TMEM131L: variants seen among roughly 807,000 people sequenced by gnomAD.
TMEM131L encodes transmembrane protein 131-like.
A neutral mutation model predicts 192.2 loss-of-function variants in TMEM131L; 54 were observed. The ratio of observed to expected loss-of-function variants is 0.28; its 90% CI spans 0.23 to 0.35. TMEM131L has a LOEUF of 0.35. Ranked by LOEUF, TMEM131L falls within the 10% of genes least tolerant of loss-of-function variation. The probability of loss-of-function intolerance (pLI) is 1.00; values close to 1 mark genes in which losing one functional copy is unlikely to be tolerated. For synonymous variants in TMEM131L, 701 were observed against 704.9 expected (o/e 0.99, Z 0.09); for missense variants, 1,888 against 1,972.9 (o/e 0.96, Z 0.82).
At chr4:153,498,711 C>G (rs1733371582) in intron 3 of TMEM131L, among the ~76,000 whole-genome samples, 1 of 152,196 alleles carries the variant, frequency 6.6e-6, no homozygotes, top group Non-Finnish European at 1.5e-5. Context: ...TTCGGCCCTA[C>G]TGAGCAAGGC....
intron 18 of TMEM131L, among the ~76,000 whole-genome samples, chr4:153,593,375 C>A (rs979598942): frequency 6.6e-6 from 1 of 152,122 alleles, no homozygotes; most frequent in Non-Finnish European, 1.5e-5. Context: ...TGGCTTCTCC[C>A]ACTAGATGCC....
intron 3 of TMEM131L, among the ~76,000 whole-genome samples, chr4:153,523,700 G>A (rs542086849): frequency 1.3e-5 from 2 of 152,246 alleles, no homozygotes; most frequent in African/African-American, 4.8e-5. Context: ...TTCATGGATC[G>A]TTATCATATT....
rs1205601991 is a variant in TMEM131L at position 153,472,547 on chromosome 4, C to CA, written c.196-1292dup. Among the ~76,000 whole-genome samples the CA allele has an allele frequency of 2.6e-5, 4 of 151,760 alleles. No individual in the cohort carries two copies. The South Asian group carries it at 6.2e-4, about 24-fold the overall frequency. ...GGATATTACAGTAGACAAAAAAAAA[C>CA]AAAAAACACCTGCCCTTGTGATGCT... On this transcript the variant is annotated intron_variant, in intron 2 of 34. Transcript: ENST00000409959.
At chr4:153,601,479 A>G (rs1485816298) in intron 21 of TMEM131L, among the ~76,000 whole-genome samples, 1 of 152,118 alleles carries the variant, frequency 6.6e-6, no homozygotes, top group Non-Finnish European at 1.5e-5. Context: ...GTGAGCTATG[A>G]TCTCACCACT....
intron 1 of TMEM131L, among the ~76,000 whole-genome samples, chr4:153,466,910 T>G (rs1730793006): frequency 6.6e-6 from 1 of 152,026 alleles, no homozygotes; most frequent in Non-Finnish European, 1.5e-5. Flanking sequence ...CTCCAGATGC[T>G]CGGGCTGCGG....
intron 3 of TMEM131L, among the ~76,000 whole-genome samples, chr4:153,534,287 G>A (rs902773774): frequency 2.6e-5 from 4 of 152,312 alleles, no homozygotes; most frequent in African/African-American, 9.6e-5. Context: ...GTTATAAGGT[G>A]ATATGTGGTA....
chr4:153,590,995 T>C, intron 16 of TMEM131L, 58 bp from the exon 17 acceptor site: 3 of 1,183,642 alleles, frequency 2.5e-6, no homozygotes, highest in Non-Finnish European at 3.4e-6. Flanking sequence ...AATTATTAAA[T>C]ATTAAATTTT....
chr4:153,586,755 T>A (rs1730726900), intron 14 of TMEM131L, among the ~76,000 whole-genome samples: 1 of 152,192 alleles, frequency 6.6e-6, no homozygotes. Context: ...TTAAATGCTT[T>A]ATTTGGATCT....
At chr4:153,514,625 T>G (rs1734583497) in intron 3 of TMEM131L, among the ~76,000 whole-genome samples, 1 of 152,152 alleles carries the variant, frequency 6.6e-6, no homozygotes, top group East Asian at 1.9e-4. Context: ...TAGCCCCATT[T>G]TATAATAGGA....
At position 153,466,444 on chromosome 4, in the gene TMEM131L, C is replaced by T. The variant is rs1057083419; in HGVS notation, c.47C>T (p.Ala16Val). 9.2e-6 allele frequency: 13 copies of T among 1,415,328 alleles called. No individual in the cohort carries two copies. Among genetic ancestry groups the T allele is most frequent in the Middle Eastern group, 2.5e-4 (1 of 4,070 alleles). 87.7% of individuals were successfully genotyped at this position (1,415,328 alleles called of 1,614,324 possible). A position where few individuals can be genotyped will look rare whatever the true frequency, so the allele number is the denominator to read the frequency against. Reference sequence around the variant, plus strand: ...CAGCCCGGCTGCTACTGCCGCACCGCGGCGGCCGTGAACCTCCTGCTGGGC... The same window carrying T: ...CAGCCCGGCTGCTACTGCCGCACCGTGGCGGCCGTGAACCTCCTGCTGGGC... ...RPQPGCYCRT[A>V]AAVNLLLGVF... The change falls in exon 1 of 35, where the codon GCG becomes GTG. Residue 16 changes from alanine (A) to valine (V), a missense_variant. Ala to Val is a moderately conservative substitution (Grantham distance 64). Transcript: ENST00000409959.
intron 3 of TMEM131L, among the ~76,000 whole-genome samples, chr4:153,487,759 C>G (rs903635365): frequency 2.8e-4 from 40 of 145,256 alleles, no homozygotes; most frequent in African/African-American, 1.0e-3. Context: ...GGGCCTGTGG[C>G]TGAGCTGTAT....
At chr4:153,502,577 A>G (rs1417817875) in intron 3 of TMEM131L, among the ~76,000 whole-genome samples, 1 of 152,250 alleles carries the variant, frequency 6.6e-6, no homozygotes, top group East Asian at 1.9e-4. Context: ...GAAGCTTTTC[A>G]AATGGCTGAA....
chr4:153,617,382 G>C (rs1481182056), intron 26 of TMEM131L, among the ~76,000 whole-genome samples: 1 of 152,220 alleles, frequency 6.6e-6, no homozygotes, highest in African/African-American at 2.4e-5. Flanking sequence ...ACTGTGTAAA[G>C]CTCCTATGTG....
At chr4:153,593,268 C>A (rs9307910) in intron 18 of TMEM131L, among the ~76,000 whole-genome samples, 1 of 151,970 alleles carries the variant, frequency 6.6e-6, no homozygotes, top group Non-Finnish European at 1.5e-5. Flanking sequence ...TCTCAGCTTT[C>A]GCAGTATTGG....
Position 153,553,287 on chromosome 4 carries a change from C to T in TMEM131L, c.309-2500C>T, listed in dbSNP as rs117166379. Among the ~76,000 whole-genome samples the T allele has an allele frequency of 2.8e-4, 43 of 152,180 alleles. No individual in the cohort carries two copies. The East Asian group carries it at 8.3e-3, about 29-fold the overall frequency. ...AAATATCTCTTTGTTTGAGCATGTA[C>T]TACAAATGTGTTCATACATTTGTTG... is the stretch of plus-strand genomic sequence containing the variant. On this transcript the variant is annotated intron_variant, in intron 4 of 34. Coordinates refer to ENST00000409959, the MANE Select transcript of TMEM131L (RefSeq NM_001131007.2).
intron 3 of TMEM131L, among the ~76,000 whole-genome samples, chr4:153,542,118 G>A (rs1736833097): frequency 6.6e-6 from 1 of 152,230 alleles, no homozygotes; most frequent in South Asian, 2.1e-4. Context: ...AGTGAAGGAA[G>A]CATTAATCTG....
At chr4:153,556,003 G>A in intron 5 of TMEM131L, 93 bp downstream of exon 5, 1 of 1,296,166 alleles carries the variant, frequency 7.7e-7, no homozygotes, top group Non-Finnish European at 1.1e-6. Flanking sequence ...TCTGCTCCCT[G>A]TCTCCCGCTT....
At chr4:153,619,308 A>G (rs561462668) in intron 26 of TMEM131L, among the ~76,000 whole-genome samples, 19 of 152,312 alleles carry the variant, frequency 1.2e-4, no homozygotes, top group African/African-American at 4.1e-4. Flanking sequence ...AAACCTCCCC[A>G]CCAAGTTAGA....
intron 3 of TMEM131L, among the ~76,000 whole-genome samples, chr4:153,541,907 TC>T (rs769742196): frequency 1.3e-5 from 2 of 152,228 alleles, no homozygotes; most frequent in South Asian, 4.1e-4. Flanking sequence ...CTTCTTTGCT[TC>T]CTTGTGGCAT....
Sources: gnomAD v4.1 joint callset for allele counts (sites outside exome capture counted in the v4.1 genomes callset) on GRCh38, gnomAD v4.1.1 for gene constraint, MANE v1.5 for transcripts, NCBI Gene and HGNC (gene_info 2026-07-23, HGNC 2026-07-21) for gene names.